The following LRP1B variants were observed in gnomAD, a reference collection of about 807,000 sequenced individuals.
LRP1B encodes LDL receptor related protein 1B.
A neutral mutation model predicts 556.6 loss-of-function variants in LRP1B; 217 were observed. The ratio of observed to expected loss-of-function variants is 0.39; its 90% confidence interval spans 0.35 to 0.44. The LOEUF is 0.44. Ranked by LOEUF, LRP1B falls within the 20% of genes least tolerant of loss-of-function variation. The pLI is 1.00. For synonymous variants in LRP1B, 2,047 were observed against 1,865.8 expected, an observed-to-expected ratio of 1.10 and a Z score of -2.50; for missense variants, 5,053 against 5,620.8, an observed-to-expected ratio of 0.90 and a Z score of 3.23.
intron 6 of LRP1B, among the ~76,000 whole-genome samples, chr2:141,217,568 C>A (rs1682865706): frequency 3.9e-5 from 6 of 152,098 alleles, no homozygotes; most frequent in African/African-American, 1.2e-4. Context: ...CTCTACCTCT[C>A]ACCATTTACA....
intron 2 of LRP1B, among the ~76,000 whole-genome samples, chr2:141,729,728 A>C (rs549652174): frequency 5.8e-4 from 89 of 152,292 alleles, no homozygotes; most frequent in Non-Finnish European, 9.3e-4. Flanking sequence ...ATGGATTTAC[A>C]TTTTTAAAAT....
At chr2:141,492,932 TTTA>T (rs1265564783) in intron 2 of LRP1B, among the ~76,000 whole-genome samples, 1 of 152,182 alleles carries the variant, frequency 6.6e-6, no homozygotes, top group African/African-American at 2.4e-5. Context: ...TGAAAACGAT[TTTA>T]TGATACACTT....
chr2:140,462,813 G>A (rs1687377532), intron 60 of LRP1B, among the ~76,000 whole-genome samples: 2 of 152,168 alleles, frequency 1.3e-5, no homozygotes, highest in Admixed American at 6.5e-5. Context: ...ACCATTCTCT[G>A]AGTAATATGG....
At chr2:141,174,091 A>G (rs1356349188) in intron 7 of LRP1B, among the ~76,000 whole-genome samples, 1 of 152,118 alleles carries the variant, frequency 6.6e-6, no homozygotes, top group Non-Finnish European at 1.5e-5. Context: ...AGAAAAAAAA[A>G]GATAAATGAT....
chr2:141,879,221 A>C (rs1459523371), intron 1 of LRP1B, among the ~76,000 whole-genome samples: 1 of 151,854 alleles, frequency 6.6e-6, no homozygotes, highest in African/African-American at 2.4e-5. Flanking sequence ...ATATTTCATT[A>C]AATATTGATT....
At chr2:140,791,555 T>C (rs1369951773) in intron 32 of LRP1B, among the ~76,000 whole-genome samples, 1 of 152,244 alleles carries the variant, frequency 6.6e-6, no homozygotes, top group African/African-American at 2.4e-5. Context: ...TATTTTGTCC[T>C]GATAGAATGG....
chr2:141,310,524 C>T (rs147957515), intron 3 of LRP1B, among the ~76,000 whole-genome samples: 1 of 152,210 alleles, frequency 6.6e-6, no homozygotes, highest in African/African-American at 2.4e-5. Flanking sequence ...CAAGTTCTAA[C>T]AAGTGACACC....
intron 41 of LRP1B, among the ~76,000 whole-genome samples, chr2:140,652,618 T>C (rs1235749694): frequency 1.3e-5 from 2 of 152,094 alleles, no homozygotes; most frequent in Non-Finnish European, 2.9e-5. Context: ...GTGTTATAAA[T>C]TTCTGAGTTT....
At chr2:141,519,407 TGC>T (rs1272785891) in intron 2 of LRP1B, among the ~76,000 whole-genome samples, 1,188 of 89,822 alleles carry the variant, frequency 0.013, 53 homozygotes, top group Middle Eastern at 0.056. Context: ...ATATATGAAA[TGC>T]AATATTTATT....
At position 141,366,799 on chromosome 2, in the gene LRP1B, G is replaced by A. The variant is rs145395497; in HGVS notation, c.344-112158C>T. On this transcript the variant is annotated intron_variant, in intron 3 of 90. Transcript: ENST00000389484. ...CAGTGAATCCTCACTATGGTGAAGGGATGGATCCTAGTTCACTAGGTGAAA... is the reference window on the plus strand; with the variant it reads ...CAGTGAATCCTCACTATGGTGAAGGAATGGATCCTAGTTCACTAGGTGAAA... Among the ~76,000 whole-genome samples, 392 of 152,282 alleles carry A rather than the reference G, an allele frequency of 2.6e-3. 1 individual carries two copies. The highest frequency in any genetic ancestry group is 8.9e-3 in the African/African-American group (372 of 41,566).
In LRP1B at chr2:140,506,891, G is replaced by C. The variant is rs931695882; in HGVS notation, c.8426C>G (p.Ala2809Gly). ...GCATACTTTATTATGGCACATGAAA[G>C]CATTTTCATCACATGTATTATTGGG... ...CAPNNTCDEN[A>G]FMCHNKVCIP... The change falls in exon 53 of 91, where the codon GCT becomes GGT. Residue 2809 changes from alanine (A) to glycine (G), a missense_variant. Ala to Gly is a moderately conservative substitution (Grantham distance 60, BLOSUM62 0). Around this residue, in one of 5 missense-constraint regions of LRP1B, gnomAD observed 3,619 missense variants for 3,931.9 expected, o/e 0.92. Transcript: ENST00000389484. 6.2e-7 allele frequency: 1 copy of C among 1,613,820 alleles called. No individual in the cohort carries two copies. The highest frequency in any genetic ancestry group is 8.5e-7 in the Non-Finnish European group (1 of 1,179,880).
chr2:141,034,105 T>C (rs1419862602), intron 11 of LRP1B, among the ~76,000 whole-genome samples: 1 of 152,164 alleles, frequency 6.6e-6, no homozygotes, highest in East Asian at 1.9e-4. Flanking sequence ...TTAGTTTTTA[T>C]TAGGATCATG....
chr2:140,335,950 A>G, intron 77 of LRP1B, 112 bp from the exon 78 acceptor site: 1 of 699,422 alleles, frequency 1.4e-6, no homozygotes, highest in Non-Finnish European at 2.6e-6. Flanking sequence ...GTCATGAGTT[A>G]ATTGCTATAT....
chr2:140,572,395 C>A (rs78761323), intron 43 of LRP1B, among the ~76,000 whole-genome samples: 2 of 151,224 alleles, frequency 1.3e-5, no homozygotes, highest in Non-Finnish European at 3.0e-5. Flanking sequence ...TCTGAAAAAA[C>A]GGTCAACATC....
chr2:140,595,087 A>AAT lies in LRP1B; in HGVS notation c.7194+3542_7194+3543dup, dbSNP rs60138085. The stretch of plus-strand genomic sequence containing the variant: ...CTACTTAAAAATAAAATATAAATTG[A>AAT]ATATATATATATATATATATATATA... On this transcript the variant is annotated intron_variant, in intron 43 of 90. Transcript: ENST00000389484. 2.6e-3 allele frequency among the ~76,000 whole-genome samples: 263 copies of AAT among 99,350 alleles called. 1 individual carries two copies. The highest frequency in any genetic ancestry group is 4.1e-3 in the Non-Finnish European group (191 of 46,620). 65.2% of individuals were successfully genotyped at this position (99,350 alleles called of 152,430 possible).
intron 23 of LRP1B, among the ~76,000 whole-genome samples, chr2:140,893,479 A>G (rs759030228): frequency 1.9e-4 from 29 of 152,188 alleles, no homozygotes; most frequent in Middle Eastern, 3.2e-3. Context: ...CAGGAAGAAT[A>G]AAGTTCAAAA....
chr2:140,731,571 C>A (rs1687777502), intron 35 of LRP1B, among the ~76,000 whole-genome samples: 1 of 151,852 alleles, frequency 6.6e-6, no homozygotes, highest in South Asian at 2.1e-4. Flanking sequence ...AGATCGAGAC[C>A]ATCCTGGTCA....
intron 18 of LRP1B, among the ~76,000 whole-genome samples, chr2:140,966,986 A>G (rs1696245338): frequency 6.6e-6 from 1 of 152,146 alleles, no homozygotes; most frequent in African/African-American, 2.4e-5. Flanking sequence ...TGATGCCTCC[A>G]GCTTTGTTCT....
chr2:140,251,951 AG>A (rs1275987228), intron 86 of LRP1B, among the ~76,000 whole-genome samples: 1 of 150,834 alleles, frequency 6.6e-6, no homozygotes, highest in South Asian at 2.1e-4. Flanking sequence ...TTTGGTGGTG[AG>A]CATATAAAAC....
Sources: allele counts gnomAD v4.1 joint callset (sites outside exome capture counted in the v4.1 genomes callset), GRCh38; gene constraint gnomAD v4.1.1; regional missense constraint gnomAD v4.1.1; transcripts MANE v1.5; gene names NCBI Gene and HGNC (gene_info 2026-07-23, HGNC 2026-07-21).